PUM1: variants seen among roughly 807,000 people sequenced by gnomAD.
PUM1 encodes the protein pumilio RNA binding family member 1, also known as pumilio homolog 1.
A neutral mutation model predicts 131.8 loss-of-function variants in PUM1; 13 were observed. The ratio of observed to expected loss-of-function variants is 0.10; its 90% CI spans 0.06 to 0.16. The LOEUF (loss-of-function observed/expected upper bound fraction) is 0.16, where lower values mean the gene tolerates loss of function less well. Ranked by LOEUF, PUM1 falls within the 10% of genes least tolerant of loss-of-function variation. PUM1 has a pLI of 1.00. For missense variants in PUM1, 961 were observed against 1,512.4 expected (o/e 0.64, Z 6.05); for synonymous variants, 509 against 556.5 (o/e 0.91, Z 1.20).
At chr1:30,950,359 C>T in intron 16 of PUM1, 98 bp from the exon 17 acceptor site, 3 of 1,282,086 alleles carry the variant, frequency 2.3e-6, no homozygotes, top group African/African-American at 1.5e-5. Flanking sequence ...ACTGGCATAA[C>T]CTCTTTTAGC....
In PUM1 at chr1:30,966,119, G is replaced by C; in HGVS notation, c.1949C>G (p.Ser650Cys). 6.2e-7 allele frequency: 1 copy of C among 1,614,148 alleles called. No individual in the cohort carries two copies. The highest frequency in any genetic ancestry group is 8.5e-7 in the Non-Finnish European group (1 of 1,180,034). The change falls in exon 13 of 22, where the codon TCT (serine) becomes TGT (cysteine). Residue 650 changes from serine (S) to cysteine (C), a missense_variant. Ser to Cys is a moderately radical substitution (Grantham distance 112). Coordinates refer to ENST00000426105, the MANE Select transcript of PUM1 (RefSeq NM_001020658.2). ...LASSSFYGNN[S>C]LNSNSQSSSL... ...GCTGCTCTGTGAATTGCTGTTCAGA[G>C]AGTTGTTGCCGTAGAAAGAACTGGA...
intron 2 of PUM1, among the ~76,000 whole-genome samples, chr1:31,049,875 G>A (rs1644067763): frequency 8.4e-6 from 1 of 119,380 alleles, no homozygotes; most frequent in Non-Finnish European, 1.6e-5. Context: ...TGTCGCCCAA[G>A]CTGGAGTGCA....
rs1642908289 is a variant in PUM1 at position 31,018,573 on chromosome 1, G to A, written c.432+10223C>T. ...CTTGGGAGGCTGAGACAGGAGAATT[G>A]CTTGAACCTAGGAGGCGGAGGTTGC... is the stretch of plus-strand genomic sequence containing the variant. On this transcript the variant is annotated intron_variant, in intron 3 of 21. Transcript: ENST00000426105. 2.6e-5 allele frequency among the ~76,000 whole-genome samples: 4 copies of A among 151,748 alleles called. No individual in the cohort carries two copies. The South Asian group carries it at 8.4e-4, about 32-fold the overall frequency.
chr1:30,966,150 G>A lies in PUM1; in HGVS notation c.1918C>T (p.Leu640=), dbSNP rs372043529. ...TTGCCGTAGAAAGAACTGGATGCCA[G>A]GTTGTTATTGGGCTGCTGCTGGGGC... ...PQPQQQPNNN[L]ASSSFYGNNS... is the part of the protein sequence containing the mutation. The change falls in exon 13 of 22, where the codon CTG becomes TTG. Residue 640 remains leucine, a synonymous_variant. Coordinates refer to ENST00000426105, the MANE Select transcript of PUM1 (RefSeq NM_001020658.2). 9.3e-6 allele frequency: 15 copies of A among 1,614,028 alleles called. No homozygotes were observed. Among genetic ancestry groups the A allele is most frequent in the Non-Finnish European group, 1.3e-5 (15 of 1,180,040 alleles).
chr1:31,036,138 C>T (rs7530879), intron 2 of PUM1, among the ~76,000 whole-genome samples: 42,103 of 151,376 alleles, frequency 0.28, 7,420 homozygotes, highest in East Asian at 0.53. Context: ...GGCACTATCT[C>T]GGCTCACTGC....
At position 30,932,667 on chromosome 1, in the gene PUM1, T is replaced by TATATATATA. The variant is rs1438083829; in HGVS notation, c.*543_*544insTATATATAT. ...TATATATATATATATATATATATAT[T>TATATATATA]TTTTATAAACAGTGTTAAATGCCAG... On this transcript the variant is annotated 3_prime_UTR_variant, in exon 22 of 22. Coordinates refer to ENST00000426105, the MANE Select transcript of PUM1 (RefSeq NM_001020658.2). 4.9e-5 allele frequency: 7 copies of TATATATATA among 143,968 alleles called. No individual in the cohort carries two copies. Among genetic ancestry groups the TATATATATA allele is most frequent in the Non-Finnish European group, 9.0e-5 (6 of 66,498 alleles). The allele number at this position is 143,968 out of a possible 1,614,324, so 8.9% of individuals were successfully genotyped here.
Position 30,952,042 on chromosome 1 carries a change from G to A in PUM1, c.2721+192C>T, listed in dbSNP as rs6672383. 0.58 allele frequency among the ~76,000 whole-genome samples: 88,677 copies of A among 151,968 alleles called. 26,910 individuals are homozygous for A. The highest frequency in any genetic ancestry group is 0.76 in the African/African-American group (31,383 of 41,446). Reference sequence around the variant, plus strand: ...CAAAATAGATTGGCATTATCTGCTCGGATATTTAAACCATACAGAATAGAT... The same window carrying A: ...CAAAATAGATTGGCATTATCTGCTCAGATATTTAAACCATACAGAATAGAT... On this transcript the variant is annotated intron_variant, in intron 16 of 21. Transcript: ENST00000426105.
chr1:30,964,630 G>C, intron 14 of PUM1, 44 bp downstream of exon 14: 7 of 1,508,618 alleles, frequency 4.6e-6, no homozygotes, highest in Non-Finnish European at 6.4e-6. Context: ...TCGGTGGCAA[G>C]AGAGTTCTAG....
At chr1:31,041,824 C>T (rs1643824884) in intron 2 of PUM1, among the ~76,000 whole-genome samples, 1 of 152,006 alleles carries the variant, frequency 6.6e-6, no homozygotes, top group African/African-American at 2.4e-5. Flanking sequence ...TGCCCAGTCT[C>T]CTATATTCCT....
intron 7 of PUM1, 38 bp from the exon 8 acceptor site, chr1:30,981,443 C>G: frequency 7.4e-7 from 1 of 1,350,354 alleles, no homozygotes. Flanking sequence ...GTTAGGGAAA[C>G]TGTCTTACAA....
chr1:31,015,945 T>C (rs566550065), intron 3 of PUM1, among the ~76,000 whole-genome samples: 30 of 152,286 alleles, frequency 2.0e-4, no homozygotes, highest in Non-Finnish European at 3.1e-4. Context: ...CGTGCTGGGA[T>C]TACAGGCATA....
chr1:31,024,385 A>G (rs988655846), intron 3 of PUM1, among the ~76,000 whole-genome samples: 2 of 152,246 alleles, frequency 1.3e-5, no homozygotes, highest in Non-Finnish European at 2.9e-5. Context: ...TAAAGCTACA[A>G]TTTAAATATA....
rs533207659 is a variant in PUM1, at chr1:30,935,939, C to T, written c.3435+704G>A. ...TTTTGCCTCCTGGGCCCTGTGGTGT[C>T]TGCAGTGCTCACTGGACCCACGCCG... On this transcript the variant is annotated intron_variant, in intron 21 of 21. Coordinates refer to ENST00000426105, the MANE Select transcript of PUM1 (RefSeq NM_001020658.2). Among the ~76,000 whole-genome samples, 8 of 124,862 alleles carry T rather than the reference C, an allele frequency of 6.4e-5. No individual in the cohort carries two copies. In the East Asian group the frequency reaches 1.7e-3, roughly 26 times the overall value. The allele number at this position is 124,862 out of a possible 152,430, so 81.9% of individuals were successfully genotyped here.
intron 2 of PUM1, among the ~76,000 whole-genome samples, chr1:31,055,607 G>A (rs914565410): frequency 6.6e-6 from 1 of 152,136 alleles, no homozygotes; most frequent in African/African-American, 2.4e-5. Flanking sequence ...CCAATTCCAA[G>A]GTCACTGGTT....
intron 15 of PUM1, among the ~76,000 whole-genome samples, chr1:30,952,924 C>T (rs1640007778): frequency 6.6e-6 from 1 of 151,804 alleles, no homozygotes; most frequent in Admixed American, 6.6e-5. Flanking sequence ...TGCAATGAGC[C>T]AAGATTGCGC....
rs1053149791 is a variant in PUM1 at position 30,953,604 on chromosome 1, T to C, written c.2591+110A>G. The C allele has an allele frequency of 4.0e-5, 49 of 1,225,466 alleles. 1 individual carries two copies. Among genetic ancestry groups the C allele is most frequent in the Non-Finnish European group, 5.5e-5 (48 of 865,372 alleles). 75.9% of individuals were successfully genotyped at this position (1,225,466 alleles called of 1,614,324 possible). On this transcript the variant is annotated intron_variant, in intron 15 of 21. Coordinates refer to ENST00000426105, the MANE Select transcript of PUM1 (RefSeq NM_001020658.2). The stretch of plus-strand genomic sequence containing the variant: ...ATGTGATGCAAACTAAGAGGCACGC[T>C]TTTAAAAAATTACTATATGGCAATT...
At chr1:31,039,558 T>C (rs1643751733) in intron 2 of PUM1, among the ~76,000 whole-genome samples, 1 of 152,052 alleles carries the variant, frequency 6.6e-6, no homozygotes, top group Admixed American at 6.5e-5. Flanking sequence ...CAGAAAAATG[T>C]TATGTATGTG....
At chr1:31,019,184 C>T (rs1570283674) in intron 3 of PUM1, among the ~76,000 whole-genome samples, 1 of 152,232 alleles carries the variant, frequency 6.6e-6, no homozygotes, top group East Asian at 1.9e-4. Flanking sequence ...GAAACCCCGC[C>T]TCCATTAGAA....
chr1:30,976,156 A>G (rs538255379), intron 9 of PUM1, among the ~76,000 whole-genome samples: 1 of 152,294 alleles, frequency 6.6e-6, no homozygotes, highest in East Asian at 1.9e-4. Context: ...CCTTGGCAAC[A>G]AAGTACAGCT....
Sources: gnomAD v4.1 joint callset for allele counts (sites outside exome capture counted in the v4.1 genomes callset) on GRCh38, gnomAD v4.1.1 for gene constraint, MANE v1.5 for transcripts, NCBI Gene and HGNC (gene_info 2026-07-23, HGNC 2026-07-21) for gene names.